The following DENND1B variants were observed in gnomAD, a reference collection of about 807,000 sequenced individuals.
DENND1B encodes the protein DENN domain-containing protein 1B.
In DENND1B, 59 loss-of-function variants were observed where a neutral mutation model predicts 90.1. The observed-to-expected ratio is 0.65, with a 90% CI of 0.53 to 0.81. The LOEUF (loss-of-function observed/expected upper bound fraction) is 0.81. Among genes scored for constraint, DENND1B ranks in the 40% least tolerant of loss-of-function variants. DENND1B has a pLI of 0.00. For synonymous variants in DENND1B, 337 were observed against 324.6 expected (o/e 1.04, Z -0.41); for missense variants, 862 against 912.6 (o/e 0.94, Z 0.71).
chr1:197,594,945 G>C (rs767334423), intron 14 of DENND1B, among the ~76,000 whole-genome samples: 3 of 152,098 alleles, frequency 2.0e-5, no homozygotes, highest in Non-Finnish European at 4.4e-5. Context: ...TAGTTAAGGA[G>C]TAAGTATTCC....
chr1:197,727,863 C>T (rs1661791034), intron 2 of DENND1B, among the ~76,000 whole-genome samples: 1 of 152,042 alleles, frequency 6.6e-6, no homozygotes, highest in African/African-American at 2.4e-5. Context: ...GGGACTGCTC[C>T]AAATCTCCCA....
At chr1:197,722,502 T>A (rs1221531506) in intron 2 of DENND1B, among the ~76,000 whole-genome samples, 36 of 152,246 alleles carry the variant, frequency 2.4e-4, no homozygotes, top group Non-Finnish European at 7.4e-5. Context: ...TTCTTAGTTA[T>A]CTATAGGAAG....
chr1:197,683,161 C>T (rs1156959395), intron 3 of DENND1B, among the ~76,000 whole-genome samples: 2 of 152,100 alleles, frequency 1.3e-5, no homozygotes, highest in Admixed American at 1.3e-4. Context: ...ATGGGTTACA[C>T]AGTTGTATGC....
At chr1:197,777,354 T>C (rs1657320962), upstream of DENND1B, among the ~76,000 whole-genome samples, 1 of 152,154 alleles carries the variant, frequency 6.6e-6, no homozygotes, top group Non-Finnish European at 1.5e-5. Flanking sequence ...TTATGTTAAG[T>C]ACATCGAGGG....
chr1:197,746,922 G>T, intron 2 of DENND1B: 1 of 1,571,956 alleles, frequency 6.4e-7, no homozygotes, highest in Non-Finnish European at 8.8e-7. Context: ...CGAGTAGCTA[G>T]CTGGTTTTTC....
At chr1:197,613,033 A>G (rs1206385392) in intron 11 of DENND1B, among the ~76,000 whole-genome samples, 1 of 150,964 alleles carries the variant, frequency 6.6e-6, no homozygotes, top group South Asian at 2.1e-4. Flanking sequence ...CAATTCTTTT[A>G]TAGGCATCTT....
intron 2 of DENND1B, among the ~76,000 whole-genome samples, chr1:197,730,179 ATTAT>A (rs1386954201): frequency 6.6e-6 from 1 of 152,136 alleles, no homozygotes; most frequent in East Asian, 1.9e-4. Context: ...TCAAGGTATA[ATTAT>A]TTATACCTTA....
At chr1:197,746,819 T>A in intron 2 of DENND1B, 1 of 1,610,466 alleles carries the variant, frequency 6.2e-7, no homozygotes, top group Non-Finnish European at 8.5e-7. Context: ...AAGTTTCTTC[T>A]TTTTGGGGGC....
chr1:197,639,882 G>A (rs574626871), intron 10 of DENND1B, among the ~76,000 whole-genome samples: 1 of 152,200 alleles, frequency 6.6e-6, no homozygotes, highest in Admixed American at 6.5e-5. Context: ...AAGTAAAGCA[G>A]CTTCCTCCAT....
chr1:197,681,875 T>C (rs1469649947), intron 3 of DENND1B, among the ~76,000 whole-genome samples: 1 of 152,174 alleles, frequency 6.6e-6, no homozygotes, highest in Non-Finnish European at 1.5e-5. Context: ...GGCCATATAT[T>C]AGAAAACTGA....
At chr1:197,578,361 C>T (rs10922258) in intron 15 of DENND1B, among the ~76,000 whole-genome samples, 29,928 of 152,020 alleles carry the variant, frequency 0.2, 3,044 homozygotes, top group African/African-American at 0.21. Context: ...TCTCCTGCTT[C>T]AGCCTCCAGT....
Position 197,511,758 on chromosome 1 carries a change from T to C in DENND1B, c.1785A>G (p.Arg595=). 1 of 1,610,298 alleles carries C rather than the reference T, an allele frequency of 6.2e-7. No individual in the cohort carries two copies. The highest frequency in any genetic ancestry group is 8.5e-7 in the Non-Finnish European group (1 of 1,177,752). The change falls in exon 22 of 23, where the codon AGA becomes AGG. Residue 595 remains arginine (R), a synonymous_variant. Transcript: ENST00000620048. ...LAAAKSLDFF[R]SMDDIDYKPT... ...GTTTGTAATCAATGTCATCCATTGATCTAAAGAAATCCAAGCTCTTTGCAG... is the reference window on the plus strand; with the variant it reads ...GTTTGTAATCAATGTCATCCATTGACCTAAAGAAATCCAAGCTCTTTGCAG...
At chr1:197,686,456 G>A (rs1347182095) in intron 3 of DENND1B, among the ~76,000 whole-genome samples, 1 of 152,090 alleles carries the variant, frequency 6.6e-6, no homozygotes, top group Non-Finnish European at 1.5e-5. Flanking sequence ...TTTTGCTACT[G>A]AGTTTTCTCA....
At chr1:197,694,365 A>C (rs1658218097) in intron 3 of DENND1B, among the ~76,000 whole-genome samples, 1 of 151,480 alleles carries the variant, frequency 6.6e-6, no homozygotes, top group African/African-American at 2.4e-5. Flanking sequence ...TAACATTTTA[A>C]ATGCTACTCT....
chr1:197,552,444 A>T, intron 16 of DENND1B: 2 of 985,394 alleles, frequency 2.0e-6, no homozygotes, highest in Middle Eastern at 1.0e-3. Context: ...AATTGCCTAG[A>T]TAATTATAAC....
chr1:197,518,372 G>C (rs1318405008), intron 20 of DENND1B, among the ~76,000 whole-genome samples: 2 of 151,898 alleles, frequency 1.3e-5, no homozygotes, highest in Non-Finnish European at 2.9e-5. Context: ...AGAGGTTGTT[G>C]TATTTATGCA....
At chr1:197,772,808 T>G in intron 2 of DENND1B, 60 bp downstream of exon 2, 14 of 1,414,802 alleles carry the variant, frequency 9.9e-6, no homozygotes, top group African/African-American at 2.9e-5. Flanking sequence ...AGGAACAGAA[T>G]GAGATCTTGT....
intron 20 of DENND1B, among the ~76,000 whole-genome samples, chr1:197,519,616 G>A (rs1250865521): frequency 6.6e-6 from 1 of 151,882 alleles, no homozygotes; most frequent in Non-Finnish European, 1.5e-5. Flanking sequence ...CGGTTAATTT[G>A]TACTAAACTA....
chr1:197,675,439 T>TA lies in DENND1B; in HGVS notation c.127-1271dup, dbSNP rs376776321. On this transcript the variant is annotated intron_variant, in intron 3 of 22. Transcript: ENST00000620048. ...CATAAGCAGAAAGAAAAGGATCTTG[T>TA]AAAAAAAAAAATCATCTACTCTTAG... 5.3e-3 allele frequency among the ~76,000 whole-genome samples: 783 copies of TA among 146,914 alleles called. 3 individuals carry two copies. The highest frequency in any genetic ancestry group is 0.022 in the East Asian group (112 of 5,078).
Sources: gnomAD v4.1 joint callset for allele counts (sites outside exome capture counted in the v4.1 genomes callset) on GRCh38, gnomAD v4.1.1 for gene constraint, MANE v1.5 for transcripts, NCBI Gene and HGNC (gene_info 2026-07-23, HGNC 2026-07-21) for gene names.